Variants in TWF2 observed in about 807,000 individuals in gnomAD.
TWF2 encodes the protein twinfilin actin binding protein 2.
TWF2 carries 15 observed loss-of-function variants against 45.1 expected under a neutral mutation model. The ratio of observed to expected loss-of-function variants is 0.33; its 90% CI spans 0.22 to 0.51. The LOEUF (loss-of-function observed/expected upper bound fraction) is 0.51. Among genes scored for constraint, TWF2 ranks in the 20% least tolerant of loss-of-function variants. The pLI is 0.97. For missense variants in TWF2, 423 were observed against 469.1 expected, an observed-to-expected ratio of 0.90 and a Z score of 0.91; for synonymous variants, 177 against 195.8, an observed-to-expected ratio of 0.90 and a Z score of 0.80.
At chr3:52,232,517 C>T (rs1029039646) in intron 2 of TWF2, among the ~76,000 whole-genome samples, 3 of 152,160 alleles carry the variant, frequency 2.0e-5, no homozygotes, top group African/African-American at 2.4e-5. Flanking sequence ...GAAACTGCCT[C>T]CTGCTCGCCT....
At chr3:52,231,918 T>G in intron 3 of TWF2, 26 bp downstream of exon 3, 1 of 1,601,892 alleles carries the variant, frequency 6.2e-7, no homozygotes, top group Non-Finnish European at 8.5e-7. Flanking sequence ...GCTCCCCTCC[T>G]CACTTCCCAC....
At position 52,230,865 on chromosome 3, in the gene TWF2, C is replaced by G; in HGVS notation, c.609+5G>C. ...CATGTGCCAGGGTAGGGAGCAGGCA[C>G]CCACCATCTGGATGTAGTTGACCAT... is the stretch of plus-strand genomic sequence containing the variant. On this transcript the variant is annotated splice_donor_5th_base_variant and intron_variant, in intron 6 of 8. Transcript: ENST00000305533. The G allele has an allele frequency of 1.2e-6, 2 of 1,610,796 alleles. No homozygotes were observed. The highest frequency in any genetic ancestry group is 2.2e-5 in the South Asian group (2 of 90,484).
intron 2 of TWF2, among the ~76,000 whole-genome samples, chr3:52,232,977 C>T (rs1224623112): frequency 6.6e-6 from 1 of 152,190 alleles, no homozygotes; most frequent in Non-Finnish European, 1.5e-5. Flanking sequence ...CGCCATTGCA[C>T]TCCAGCCTGG....
chr3:52,235,679 C>A (rs951349553), intron 1 of TWF2, among the ~76,000 whole-genome samples: 3 of 152,204 alleles, frequency 2.0e-5, no homozygotes, highest in Admixed American at 1.3e-4. Flanking sequence ...CAAATGGACA[C>A]GCATGTTTAG....
chr3:52,233,422 AC>A (rs1447657975), intron 2 of TWF2, among the ~76,000 whole-genome samples: 3 of 152,224 alleles, frequency 2.0e-5, no homozygotes, highest in African/African-American at 7.2e-5. Flanking sequence ...TTTGTTGCTA[AC>A]ATTTTCAAAC....
chr3:52,233,777 A>G (rs1699700444), intron 2 of TWF2, among the ~76,000 whole-genome samples: 1 of 151,986 alleles, frequency 6.6e-6, no homozygotes, highest in South Asian at 2.1e-4. Context: ...AGCCGGGCGC[A>G]GTGGTGGTCG....
In TWF2 at chr3:52,235,453, C is replaced by G. The variant is rs553485071; in HGVS notation, c.26-347G>C. 1.8e-4 allele frequency among the ~76,000 whole-genome samples: 28 copies of G among 152,324 alleles called. No individual in the cohort carries two copies. In the South Asian group the frequency reaches 3.9e-3, roughly 21 times the overall value. Reference sequence around the variant, plus strand: ...CCCCGCAGGATGGCCGAGCTCTGGGCTGGCCTGGACACACTCAGCACAGTC... The same window carrying G: ...CCCCGCAGGATGGCCGAGCTCTGGGGTGGCCTGGACACACTCAGCACAGTC... On this transcript the variant is annotated intron_variant, in intron 1 of 8. Coordinates refer to ENST00000305533, the MANE Select transcript of TWF2 (RefSeq NM_007284.4).
At position 52,238,977 on chromosome 3, in the gene TWF2, G is replaced by C. The variant is rs568300693; in HGVS notation, c.25+15C>G. ...CCAGACCGAGGCCCCCTGCCCGCCCGCCATCCGCCCTCACCGTGGATGCCC... is the reference window on the plus strand; with the variant it reads ...CCAGACCGAGGCCCCCTGCCCGCCCCCCATCCGCCCTCACCGTGGATGCCC... On this transcript the variant is annotated intron_variant, in intron 1 of 8. Transcript: ENST00000305533. The C allele has an allele frequency of 1.9e-6, 3 of 1,587,494 alleles. No individual in the cohort carries two copies. Among genetic ancestry groups the C allele is most frequent in the South Asian group, 2.2e-5 (2 of 90,470 alleles).
chr3:52,230,641 G>A (rs1229562961), intron 6 of TWF2, among the ~76,000 whole-genome samples: 1 of 152,072 alleles, frequency 6.6e-6, no homozygotes. Flanking sequence ...AGGGCCTGGG[G>A]ACAAGGGACC....
At chr3:52,235,549 C>T (rs991143918) in intron 1 of TWF2, among the ~76,000 whole-genome samples, 1 of 150,724 alleles carries the variant, frequency 6.6e-6, no homozygotes, top group Non-Finnish European at 1.5e-5. Flanking sequence ...TTCACACACA[C>T]ACACACACAC....
chr3:52,234,932 TC>T, intron 2 of TWF2, 96 bp downstream of exon 2: 1 of 1,400,442 alleles, frequency 7.1e-7, no homozygotes, highest in Non-Finnish European at 9.9e-7. Context: ...GAAATTGAGG[TC>T]CCGGCAGGCC....
intron 1 of TWF2, among the ~76,000 whole-genome samples, chr3:52,235,543 C>T (rs1007365328): frequency 4.1e-5 from 6 of 146,882 alleles, no homozygotes; most frequent in African/African-American, 1.3e-4. Flanking sequence ...TGCCCATTCA[C>T]ACACACACAC....
At position 52,229,786 on chromosome 3, in the gene TWF2, T is replaced by C. The variant is rs1231966182; in HGVS notation, c.761-4A>G. 3 of 1,609,876 alleles carry C rather than the reference T, an allele frequency of 1.9e-6. No individual in the cohort carries two copies. Among genetic ancestry groups the C allele is most frequent in the Non-Finnish European group, 2.5e-6 (3 of 1,177,666 alleles). On this transcript the variant is annotated splice_polypyrimidine_tract_variant and splice_region_variant and intron_variant, in intron 7 of 8. Transcript: ENST00000305533. ...CCCGGCATGGAGTAGATGAACACTG[T>C]TGGGGGGCAGGAGGTGAGCCTGGGA...
Position 52,235,050 on chromosome 3 carries a change from T to G in TWF2, c.82A>C (p.Ile28Leu), listed in dbSNP as rs145603944. ...AKARAGSVRL[I>L]KVVIEDEQLV... ...TCACCGTCCTCAATCACAACCTTGATGAGCCGCACAGAGCCAGCCCGTGCC... is the reference window on the plus strand; with the variant it reads ...TCACCGTCCTCAATCACAACCTTGAGGAGCCGCACAGAGCCAGCCCGTGCC... The change falls in exon 2 of 9, where the codon ATC becomes CTC. Residue 28 changes from isoleucine to leucine, a missense_variant. Physicochemically the swap from Ile to Leu is conservative, Grantham distance 5 (BLOSUM62 2). Transcript: ENST00000305533. 345 of 1,613,900 alleles carry G rather than the reference T, an allele frequency of 2.1e-4. 2 individuals are homozygous for G. The East Asian group carries it at 7.6e-3, about 36-fold the overall frequency.
At chr3:52,230,481 AC>A (rs1378889391) in intron 6 of TWF2, among the ~76,000 whole-genome samples, 1 of 152,078 alleles carries the variant, frequency 6.6e-6, no homozygotes, top group Non-Finnish European at 1.5e-5. Flanking sequence ...GGGCAGAAGG[AC>A]CCTGCCTAGG....
chr3:52,230,497 C>T (rs1212704386), intron 6 of TWF2, among the ~76,000 whole-genome samples: 3 of 152,138 alleles, frequency 2.0e-5, no homozygotes, highest in Non-Finnish European at 2.9e-5. Context: ...CCTAGGGAAA[C>T]GGGGTGGTCA....
At position 52,229,914 on chromosome 3, in the gene TWF2, A is replaced by T; in HGVS notation, c.760+6T>A. The stretch of plus-strand genomic sequence containing the variant: ...CAGGCTTGGGAGCCCTGCCATGGCC[A>T]CTCACCTACAGACTCAAGGGGGTCG... On this transcript the variant is annotated splice_donor_region_variant and intron_variant, in intron 7 of 8. Coordinates refer to ENST00000305533, the MANE Select transcript of TWF2 (RefSeq NM_007284.4). 1 of 1,604,224 alleles carries T rather than the reference A, an allele frequency of 6.2e-7. No homozygotes were observed. Among genetic ancestry groups the T allele is most frequent in the Non-Finnish European group, 8.5e-7 (1 of 1,173,428 alleles).
intron 1 of TWF2, among the ~76,000 whole-genome samples, chr3:52,236,125 A>C (rs1699723535): frequency 1.3e-5 from 2 of 151,914 alleles, no homozygotes; most frequent in South Asian, 4.2e-4. Context: ...ACATGGCAAA[A>C]CCCCATCTCT....
Position 52,230,219 on chromosome 3 carries a change from C to T in TWF2, c.610-149G>A, listed in dbSNP as rs902850905. ...AGACTCCCCTGCAATGGCCATCCCT[C>T]TATGGGGGTCCCTCTGAAGAGGCCA... is the stretch of plus-strand genomic sequence containing the variant. On this transcript the variant is annotated intron_variant, in intron 6 of 8. Coordinates refer to ENST00000305533, the MANE Select transcript of TWF2 (RefSeq NM_007284.4). 3.6e-6 allele frequency: 4 copies of T among 1,118,588 alleles called. No homozygotes were observed. The African/African-American group carries it at 4.7e-5, about 13-fold the overall frequency. The allele number at this position is 1,118,588 out of a possible 1,614,324, so 69.3% of individuals were successfully genotyped here. A position where few individuals can be genotyped will look rare whatever the true frequency, so the allele number is the denominator to read the frequency against.
Sources: gnomAD v4.1 joint callset for allele counts (sites outside exome capture counted in the v4.1 genomes callset) on GRCh38, gnomAD v4.1.1 for gene constraint, MANE v1.5 for transcripts, NCBI Gene and HGNC (gene_info 2026-07-23, HGNC 2026-07-21) for gene names.